NLRC3: variants seen among roughly 807,000 people sequenced by gnomAD.
NLRC3 encodes the protein NLR family CARD domain containing 3.
Under a neutral mutation model 91.6 loss-of-function variants are expected in NLRC3, and 87 were observed. The ratio of observed to expected loss-of-function variants is 0.95; its 90% CI spans 0.80 to 1.14. NLRC3 has a LOEUF of 1.14. Among genes scored for constraint, NLRC3 ranks in the 50% most tolerant of loss-of-function variants. The probability of loss-of-function intolerance (pLI) is 0.00; values close to 1 mark genes in which losing one functional copy is unlikely to be tolerated. For synonymous variants in NLRC3, 694 were observed against 625.3 expected, an observed-to-expected ratio of 1.11 and a Z score of -1.64; for missense variants, 1,577 against 1,418.6, an observed-to-expected ratio of 1.11 and a Z score of -1.79.
At chr16:3,544,211 C>G in intron 16 of NLRC3, 35 bp downstream of exon 16, 1 of 1,320,404 alleles carries the variant, frequency 7.6e-7, no homozygotes, top group Non-Finnish European at 1.1e-6. Flanking sequence ...GCGAAGGGAC[C>G]GGTTTCCTGA....
intron 10 of NLRC3, 31 bp downstream of exon 10, chr16:3,552,165 G>T: frequency 7.6e-7 from 1 of 1,309,324 alleles, no homozygotes; most frequent in Non-Finnish European, 1.1e-6. Context: ...GGGCACTGAG[G>T]ATACTAGTGT....
rs868060014 is a variant in NLRC3, at chr16:3,541,895, C to T, written c.3128G>A (p.Gly1043Glu). Residue 1043 changes from glycine (G) to glutamate (E), a missense_variant, in exon 20 of 20, where the codon GGG becomes GAG. Coordinates refer to ENST00000359128, the MANE Select transcript of NLRC3 (RefSeq NM_178844.4). The stretch of plus-strand genomic sequence containing the variant: ...TGAGATCATCCTGGCCCCGGAGTCC[C>T]CAATGTGGTTTCCCTGGAGACTAGA... ...QHINLQGNHI[G>E]DSGARMISEA... 1 of 1,610,798 alleles carries T rather than the reference C, an allele frequency of 6.2e-7. No individual in the cohort carries two copies. Among genetic ancestry groups the T allele is most frequent in the African/African-American group, 1.3e-5 (1 of 75,002 alleles).
chr16:3,576,111 G>A (rs1003366221), intron 1 of NLRC3, among the ~76,000 whole-genome samples: 2 of 152,018 alleles, frequency 1.3e-5, no homozygotes, highest in Non-Finnish European at 2.9e-5. Context: ...GAAGAAGAGG[G>A]GTGCAGCCTG....
intron 1 of NLRC3, among the ~76,000 whole-genome samples, chr16:3,574,927 A>T (rs1236522178): frequency 6.6e-6 from 1 of 151,984 alleles, no homozygotes. Flanking sequence ...ACGCCACTGC[A>T]CTCCAGCCTG....
rs1280639855 is a variant in NLRC3, at chr16:3,567,754, A to C, written c.-168-430T>G. On this transcript the variant is annotated intron_variant, in intron 1 of 19. Coordinates refer to ENST00000359128, the MANE Select transcript of NLRC3 (RefSeq NM_178844.4). ...GCCACTGCACTCCAGCCTGGGCAAC[A>C]GAGCGAGACTCCATCTCAAAAAAAA... is the stretch of plus-strand genomic sequence containing the variant. 2.5e-4 allele frequency among the ~76,000 whole-genome samples: 28 copies of C among 111,622 alleles called. No individual in the cohort carries two copies. The South Asian group carries it at 0.011, about 44-fold the overall frequency. 73.2% of individuals were successfully genotyped at this position (111,622 alleles called of 152,430 possible).
chr16:3,568,291 A>G (rs8053590), intron 1 of NLRC3, among the ~76,000 whole-genome samples: 116 of 152,346 alleles, frequency 7.6e-4, no homozygotes, highest in African/African-American at 2.6e-3. Context: ...AGTGCGATCA[A>G]TTTGAGGTTG....
chr16:3,552,366 A>G, intron 9 of NLRC3, 87 bp from the exon 10 acceptor site: 1 of 881,734 alleles, frequency 1.1e-6, no homozygotes, highest in Non-Finnish European at 1.9e-6. Context: ...GGTCAGGGAC[A>G]ACTAGTGTGC....
At chr16:3,559,157 C>T (rs1488045896) in intron 6 of NLRC3, among the ~76,000 whole-genome samples, 1 of 152,138 alleles carries the variant, frequency 6.6e-6, no homozygotes, top group Admixed American at 6.6e-5. Flanking sequence ...AACTTCAATT[C>T]ACAGCATTCG....
intron 6 of NLRC3, among the ~76,000 whole-genome samples, chr16:3,559,477 AGCCACTGT>A (rs1281598523): frequency 5.9e-5 from 9 of 152,192 alleles, no homozygotes; most frequent in African/African-American, 2.2e-4. Context: ...TATAGGAAGG[AGCCACTGT>A]GCCTGGCCCC....
intron 1 of NLRC3, among the ~76,000 whole-genome samples, chr16:3,575,796 C>A (rs764462807): frequency 1.4e-4 from 22 of 152,204 alleles, no homozygotes; most frequent in Non-Finnish European, 2.4e-4. Flanking sequence ...TCCTTCCCTG[C>A]CACTTGGCGC....
chr16:3,564,798 G>A lies in NLRC3; in HGVS notation c.179-40C>T, dbSNP rs199476276. 2 of 1,567,746 alleles carry A rather than the reference G, an allele frequency of 1.3e-6. No individual in the cohort carries two copies. Among genetic ancestry groups the A allele is most frequent in the Non-Finnish European group, 8.6e-7 (1 of 1,159,062 alleles). ...CCAGTGGGGAGGTCTGGTAAGGGAA[G>A]AGTGGGCACAATCAGCCCAGGTGTT... is the stretch of plus-strand genomic sequence containing the variant. On this transcript the variant is annotated intron_variant, in intron 4 of 19. Coordinates refer to ENST00000359128, the MANE Select transcript of NLRC3 (RefSeq NM_178844.4). The surrounding 1 kb of genome is among the most constrained non-coding windows in gnomAD (Gnocchi z 5.9).
chr16:3,557,151 T>C (rs2039381167), intron 7 of NLRC3, among the ~76,000 whole-genome samples, 157 bp from the exon 8 acceptor site: 1 of 152,182 alleles, frequency 6.6e-6, no homozygotes, highest in African/African-American at 2.4e-5. Context: ...GATCCTTATA[T>C]AAACAAGGAA....
At chr16:3,573,297 C>T (rs1250648403) in intron 1 of NLRC3, among the ~76,000 whole-genome samples, 1 of 151,834 alleles carries the variant, frequency 6.6e-6, no homozygotes, top group African/African-American at 2.4e-5. Context: ...CACGGTGGCG[C>T]ATGCCTGTAA....
At chr16:3,576,767 G>C (rs187839953) in intron 1 of NLRC3, among the ~76,000 whole-genome samples, 1 of 152,038 alleles carries the variant, frequency 6.6e-6, no homozygotes, top group South Asian at 2.1e-4. Flanking sequence ...GGTTCAAGCG[G>C]TTCTCCTGCC....
At chr16:3,553,689 A>G (rs368882420) in intron 9 of NLRC3, among the ~76,000 whole-genome samples, 3 of 151,408 alleles carry the variant, frequency 2.0e-5, no homozygotes, top group Non-Finnish European at 4.4e-5. Context: ...GGTTGGTAGA[A>G]GGTATTTTAT....
chr16:3,557,900 A>G (rs1371408786), intron 6 of NLRC3, among the ~76,000 whole-genome samples: 1 of 152,194 alleles, frequency 6.6e-6, no homozygotes, highest in Non-Finnish European at 1.5e-5. Flanking sequence ...CATCATGGCA[A>G]AGGGTCTCAG....
chr16:3,540,180 G>C lies in NLRC3; in HGVS notation c.*1645C>G, dbSNP rs1324222652. The C allele has an allele frequency of 6.6e-6, 1 of 152,140 alleles. No individual in the cohort carries two copies. Among genetic ancestry groups the C allele is most frequent in the Non-Finnish European group, 1.5e-5 (1 of 68,018 alleles). 9.4% of individuals were successfully genotyped at this position (152,140 alleles called of 1,614,324 possible). A position where few individuals can be genotyped will look rare whatever the true frequency, so the allele number is the denominator to read the frequency against. ...TGTAAATTAGGATATCACCTTTGTG[G>C]GGTGCCGTTTTGAGACTGCAAGGAT... On this transcript the variant is annotated 3_prime_UTR_variant, in exon 20 of 20. Transcript: ENST00000359128.
chr16:3,562,972 C>G, intron 5 of NLRC3, 37 bp downstream of exon 5: 2 of 1,532,546 alleles, frequency 1.3e-6, no homozygotes, highest in South Asian at 2.4e-5. Context: ...TCTCCTCTGC[C>G]CCTTCCCCAG....
intron 1 of NLRC3, among the ~76,000 whole-genome samples, chr16:3,573,859 C>T (rs998855547): frequency 6.6e-6 from 1 of 152,038 alleles, no homozygotes; most frequent in African/African-American, 2.4e-5. Context: ...TGCTTTGTTG[C>T]CCAGGCTGGA....
Sources: gnomAD v4.1 joint callset for allele counts (sites outside exome capture counted in the v4.1 genomes callset) on GRCh38, gnomAD v4.1.1 for gene constraint, Gnocchi (gnomAD v3.1) non-coding constraint, MANE v1.5 for transcripts, NCBI Gene and HGNC (gene_info 2026-07-23, HGNC 2026-07-21) for gene names.